The following DNAH8 variants were observed in gnomAD, a reference collection of about 807,000 sequenced individuals.
The protein encoded by DNAH8 is axonemal beta dynein heavy chain 8.
DNAH8 carries 382 observed loss-of-function variants against 562.1 expected under a neutral mutation model. That is an observed-to-expected ratio of 0.68 (90% CI 0.63 to 0.74). The LOEUF (loss-of-function observed/expected upper bound fraction) is 0.74. DNAH8 is among the 30% of genes least tolerant of loss of function. The probability of loss-of-function intolerance (pLI) is 0.00; values close to 1 mark genes in which losing one functional copy is unlikely to be tolerated. For missense variants in DNAH8, 5,203 were observed against 5,620.4 expected (o/e 0.93, Z 2.37); for synonymous variants, 1,881 against 1,919.4 (o/e 0.98, Z 0.52).
chr6:38,934,685 T>C (rs1782812961), intron 76 of DNAH8, among the ~76,000 whole-genome samples: 1 of 152,216 alleles, frequency 6.6e-6, no homozygotes, highest in South Asian at 2.1e-4. Context: ...TCAGTGATAC[T>C]GACACATCAG....
At chr6:39,016,277 C>T (rs189231670) in intron 91 of DNAH8, among the ~76,000 whole-genome samples, 7 of 152,052 alleles carry the variant, frequency 4.6e-5, no homozygotes, top group Non-Finnish European at 5.9e-5. Context: ...ATAGGCAGGG[C>T]GTGGTGGCTC....
At chr6:38,732,621 T>C (rs542231343) in intron 4 of DNAH8, among the ~76,000 whole-genome samples, 3 of 152,310 alleles carry the variant, frequency 2.0e-5, no homozygotes, top group Admixed American at 2.0e-4. Flanking sequence ...GAATAGAGCA[T>C]TTCCACAGAT....
At chr6:38,984,695 G>T (rs557719267) in intron 87 of DNAH8, among the ~76,000 whole-genome samples, 145 of 152,270 alleles carry the variant, frequency 9.5e-4, no homozygotes, top group Non-Finnish European at 1.8e-3. Context: ...GGAGGCTGAG[G>T]CAGAAGAATC....
At chr6:38,966,931 T>C (rs1251622828) in intron 82 of DNAH8, among the ~76,000 whole-genome samples, 2 of 152,182 alleles carry the variant, frequency 1.3e-5, no homozygotes, top group African/African-American at 4.8e-5. Context: ...TGTCTTCACA[T>C]GGTGGAAGGA....
At chr6:38,852,390 G>A (rs78153229) in intron 39 of DNAH8, among the ~76,000 whole-genome samples, 2,310 of 152,154 alleles carry the variant, frequency 0.015, 94 homozygotes, top group East Asian at 0.14. Flanking sequence ...TGTATCTGTC[G>A]GGGGAGGAGG....
chr6:38,832,868 C>T (rs781640261), intron 31 of DNAH8, among the ~76,000 whole-genome samples: 3 of 151,354 alleles, frequency 2.0e-5, no homozygotes, highest in African/African-American at 7.3e-5. Flanking sequence ...AAAGGAGCAA[C>T]AACTTTGGAG....
At chr6:38,971,498 G>T (rs1300884757) in intron 82 of DNAH8, 94 bp from the exon 83 acceptor site, 50 of 628,094 alleles carry the variant, frequency 8.0e-5, no homozygotes, top group South Asian at 1.3e-4. Context: ...AGAAACAATA[G>T]AAGGAGGCTA....
At position 38,990,079 on chromosome 6, in the gene DNAH8, G is replaced by A; in HGVS notation, c.13121G>A (p.Cys4374Tyr). Residue 4374 changes from cysteine (C) to tyrosine (Y), a missense_variant, in exon 88 of 93, where the codon TGC becomes TAC. Coordinates refer to ENST00000327475, the MANE Select transcript of DNAH8 (RefSeq NM_001206927.2). Reference sequence around the variant, plus strand: ...TATACTGGATATAAAATCCCCTTATGCAAAACCTTAGACCAGTATTTTGAA... The same window carrying A: ...TATACTGGATATAAAATCCCCTTATACAAAACCTTAGACCAGTATTTTGAA... ...CFYTGYKIPLCKTLDQYFEYI... is the reference protein window; with the variant it reads ...CFYTGYKIPLYKTLDQYFEYI... 1 of 1,597,188 alleles carries A rather than the reference G, an allele frequency of 6.3e-7. No homozygotes were observed. Among genetic ancestry groups the A allele is most frequent in the South Asian group, 1.1e-5 (1 of 90,734 alleles).
At chr6:38,800,608 C>T (rs1770701197) in intron 21 of DNAH8, among the ~76,000 whole-genome samples, 1 of 152,170 alleles carries the variant, frequency 6.6e-6, no homozygotes, top group Admixed American at 6.5e-5. Flanking sequence ...CCTCTGCCTC[C>T]TGGGTTCAAG....
At chr6:38,759,812 T>G (rs1417229254) in intron 10 of DNAH8, among the ~76,000 whole-genome samples, 1 of 152,062 alleles carries the variant, frequency 6.6e-6, no homozygotes, top group East Asian at 1.9e-4. Context: ...CCCCCTTACC[T>G]CTGATGTTTC....
chr6:39,014,844 A>G (rs1766461951), intron 91 of DNAH8, among the ~76,000 whole-genome samples: 1 of 152,110 alleles, frequency 6.6e-6, no homozygotes, highest in Admixed American at 6.5e-5. Context: ...TTGGGGCTGT[A>G]TATCAGAAGG....
intron 24 of DNAH8, among the ~76,000 whole-genome samples, chr6:38,809,432 A>C (rs1771595411): frequency 6.6e-6 from 1 of 152,156 alleles, no homozygotes; most frequent in East Asian, 1.9e-4. Context: ...TGAGGTAGCA[A>C]ATTAATATAT....
chr6:38,766,234 T>C (rs1486807768), intron 11 of DNAH8, among the ~76,000 whole-genome samples: 2 of 152,148 alleles, frequency 1.3e-5, no homozygotes, highest in Non-Finnish European at 2.9e-5. Context: ...TTTGACAACA[T>C]GGCTGAACTT....
chr6:38,901,023 C>G (rs1780041541), intron 62 of DNAH8, among the ~76,000 whole-genome samples: 1 of 151,334 alleles, frequency 6.6e-6, no homozygotes, highest in Admixed American at 6.6e-5. Flanking sequence ...TGGATAGGCT[C>G]TTTTGTGAAT....
At chr6:38,836,531 A>G (rs1459038280) in intron 32 of DNAH8, among the ~76,000 whole-genome samples, 1 of 150,596 alleles carries the variant, frequency 6.6e-6, no homozygotes, top group Non-Finnish European at 1.5e-5. Context: ...AAAAAAAAAA[A>G]GGCAATGTAG....
intron 87 of DNAH8, among the ~76,000 whole-genome samples, chr6:38,987,632 G>T (rs1764489301): frequency 6.6e-6 from 1 of 152,116 alleles, no homozygotes; most frequent in Non-Finnish European, 1.5e-5. Context: ...GCCCCTGAGT[G>T]GCTTCTGTGG....
At chr6:38,828,714 A>C (rs1562927642) in intron 30 of DNAH8, among the ~76,000 whole-genome samples, 1 of 152,218 alleles carries the variant, frequency 6.6e-6, no homozygotes, top group Non-Finnish European at 1.5e-5. Context: ...ACTGTAAATT[A>C]TTTTAATGGC....
intron 25 of DNAH8, among the ~76,000 whole-genome samples, chr6:38,814,765 A>C (rs1032380599): frequency 6.6e-6 from 1 of 152,162 alleles, no homozygotes; most frequent in Non-Finnish European, 1.5e-5. Flanking sequence ...CCTCAAACAC[A>C]TGACTGTGAG....
At chr6:38,982,708 G>A (rs1160757776) in intron 86 of DNAH8, among the ~76,000 whole-genome samples, 1 of 152,178 alleles carries the variant, frequency 6.6e-6, no homozygotes, top group Non-Finnish European at 1.5e-5. Context: ...GTTACACTCA[G>A]GGACCACAGT....
Sources: allele counts gnomAD v4.1 joint callset (sites outside exome capture counted in the v4.1 genomes callset), GRCh38; gene constraint gnomAD v4.1.1; transcripts MANE v1.5; gene names NCBI Gene and HGNC (gene_info 2026-07-23, HGNC 2026-07-21).